The following CEP162 variants were observed in gnomAD, a reference collection of about 807,000 sequenced individuals.
The protein encoded by CEP162 is centrosomal protein 162, also known as centrosomal protein of 162 kDa.
A neutral mutation model predicts 169.2 loss-of-function variants in CEP162; 141 were observed. That is an observed-to-expected ratio of 0.83 (90% CI 0.73 to 0.96). CEP162 has a LOEUF of 0.96. CEP162 is among the 40% of genes least tolerant of loss of function. The probability of loss-of-function intolerance (pLI) is 0.00; values close to 1 mark genes in which losing one functional copy is unlikely to be tolerated. For missense variants in CEP162, 1,600 were observed against 1,587.2 expected (o/e 1.01, Z -0.14); for synonymous variants, 540 against 526.4 (o/e 1.03, Z -0.35).
Position 84,152,980 on chromosome 6 carries a change from T to A in CEP162, c.3194A>T (p.Asp1065Val). 6.2e-7 allele frequency: 1 copy of A among 1,613,668 alleles called. No homozygotes were observed. The highest frequency in any genetic ancestry group is 1.1e-5 in the South Asian group (1 of 91,062). Residue 1065 changes from aspartate to valine, a missense_variant, in exon 23 of 27, where the codon GAT becomes GTT. Transcript: ENST00000403245. ...QNAELDVKKN[D>V]KDDEDFQSIE... is the part of the protein sequence containing the mutation. ...AGACTGAAAATCTTCATCATCTTTA[T>A]CATTTTTCTTGACGTCTAATTCAGC...
At position 84,125,177 on chromosome 6, in the gene CEP162, A is replaced by C. The variant is rs948080351; in HGVS notation, c.4105T>G (p.Phe1369Val). 1.9e-6 allele frequency: 3 copies of C among 1,613,516 alleles called. No homozygotes were observed. The highest frequency in any genetic ancestry group is 1.7e-6 in the Non-Finnish European group (2 of 1,179,644). ...AATATTGAGTCTAGTTCTGTGCGGA[A>C]CTTCTCCAGCTCACGATTCTTTAAC... Reference protein sequence around the residue: ...AQLKNRELEKFRTELDSILDV... With the variant: ...AQLKNRELEKVRTELDSILDV... Residue 1369 changes from phenylalanine (F) to valine (V), a missense_variant, in exon 27 of 27, where the codon TTC becomes GTC. Phe to Val is a conservative substitution (Grantham distance 50). Transcript: ENST00000403245.
chr6:84,191,866 C>A (rs1405368969), intron 11 of CEP162, among the ~76,000 whole-genome samples: 1 of 152,202 alleles, frequency 6.6e-6, no homozygotes, highest in African/African-American at 2.4e-5. Context: ...CGACATTTCA[C>A]AGCCTCCTTG....
At chr6:84,149,727 CACACAT>C in intron 23 of CEP162, 24 bp from the exon 24 acceptor site, 1 of 1,456,222 alleles carries the variant, frequency 6.9e-7, no homozygotes, top group South Asian at 1.6e-5. Flanking sequence ...GAAAGAAAAC[CACACAT>C]AAAAGTGGCT....
chr6:84,223,545 T>C lies in CEP162; in HGVS notation c.58-2374A>G, dbSNP rs57856335. 3.5e-3 allele frequency among the ~76,000 whole-genome samples: 524 copies of C among 149,998 alleles called. 4 individuals carry two copies. The highest frequency in any genetic ancestry group is 0.012 in the African/African-American group (482 of 40,770). On this transcript the variant is annotated intron_variant, in intron 2 of 26. Coordinates refer to ENST00000403245, the MANE Select transcript of CEP162 (RefSeq NM_014895.4). ...TAAATAAATAAAAATAAAAATAAAA[T>C]AAATAGAAATAAAACAACAAAAAGG...
chr6:84,152,960 G>GAAAATCTTCATCATCTTTATCATTT lies in CEP162; in HGVS notation c.3189_3213dup (p.Gln1072LysfsTer2). 1 of 1,613,626 alleles carries GAAAATCTTCATCATCTTTATCATTT rather than the reference G, an allele frequency of 6.2e-7. No homozygotes were observed. Among genetic ancestry groups the GAAAATCTTCATCATCTTTATCATTT allele is most frequent in the South Asian group, 1.1e-5 (1 of 91,066 alleles). On this transcript the variant is annotated stop_gained and frameshift_variant, in exon 23 of 27. Coordinates refer to ENST00000403245, the MANE Select transcript of CEP162 (RefSeq NM_014895.4). LOFTEE classifies it high-confidence loss of function. ...TGTTCCACCTGGAATTCTATAGACT[G>GAAAATCTTCATCATCTTTATCATTT]AAAATCTTCATCATCTTTATCATTT...
chr6:84,147,631 AG>A (rs999568260), intron 24 of CEP162, among the ~76,000 whole-genome samples: 4 of 152,070 alleles, frequency 2.6e-5, no homozygotes, highest in African/African-American at 4.8e-5. Flanking sequence ...TATCAATAAA[AG>A]GGGGGGAAAA....
chr6:84,159,208 T>C (rs62449287), intron 21 of CEP162, among the ~76,000 whole-genome samples: 6,391 of 151,632 alleles, frequency 0.042, 196 homozygotes, highest in Admixed American at 0.086. Context: ...GAAATGTATA[T>C]GCAGCAATCC....
chr6:84,222,261 T>C (rs2099554006), intron 2 of CEP162, among the ~76,000 whole-genome samples: 2 of 152,162 alleles, frequency 1.3e-5, no homozygotes, highest in African/African-American at 2.4e-5. Flanking sequence ...GATCACATCA[T>C]GGAATTTGCT....
At chr6:84,195,739 G>A (rs1000487535) in intron 9 of CEP162, among the ~76,000 whole-genome samples, 3 of 151,838 alleles carry the variant, frequency 2.0e-5, no homozygotes, top group East Asian at 1.9e-4. Flanking sequence ...CAACTCTTGC[G>A]GTCTATAGTT....
intron 6 of CEP162, among the ~76,000 whole-genome samples, chr6:84,209,830 T>C (rs987457021): frequency 6.6e-6 from 1 of 152,160 alleles, no homozygotes; most frequent in South Asian, 2.1e-4. Context: ...AATACTAGCA[T>C]CCAGTACATG....
At chr6:84,225,580 T>G (rs767753779) in intron 2 of CEP162, among the ~76,000 whole-genome samples, 4 of 141,002 alleles carry the variant, frequency 2.8e-5, no homozygotes. Context: ...TATTAAGTAT[T>G]TATTAGGTAC....
At chr6:84,176,519 A>AG (rs1162635755) in intron 13 of CEP162, among the ~76,000 whole-genome samples, 2 of 152,178 alleles carry the variant, frequency 1.3e-5, no homozygotes, top group African/African-American at 4.8e-5. Flanking sequence ...GATTCTCCTT[A>AG]GGACAAGGCA....
intron 23 of CEP162, among the ~76,000 whole-genome samples, chr6:84,151,793 T>C (rs1202090511): frequency 1.3e-5 from 2 of 151,870 alleles, no homozygotes; most frequent in African/African-American, 2.4e-5. Context: ...TCAGGAAAAG[T>C]AGTGTGGTCA....
chr6:84,179,242 T>A (rs1015485151), intron 13 of CEP162, among the ~76,000 whole-genome samples: 4 of 152,200 alleles, frequency 2.6e-5, no homozygotes, highest in African/African-American at 9.7e-5. Context: ...CCACACTGTC[T>A]TCCACAATTG....
chr6:84,128,642 C>T (rs2099509917), intron 25 of CEP162, among the ~76,000 whole-genome samples: 1 of 151,910 alleles, frequency 6.6e-6, no homozygotes, highest in African/African-American at 2.4e-5. Context: ...TGATGAGAAT[C>T]AAATAAAATA....
At chr6:84,216,005 G>A in intron 3 of CEP162, 83 bp from the exon 4 acceptor site, 1 of 1,413,418 alleles carries the variant, frequency 7.1e-7, no homozygotes, top group Non-Finnish European at 9.2e-7. Flanking sequence ...ATAATGTTAT[G>A]CTAATTTTGT....
At chr6:84,136,613 G>C (rs1455195809) in intron 25 of CEP162, among the ~76,000 whole-genome samples, 1 of 152,136 alleles carries the variant, frequency 6.6e-6, no homozygotes, top group African/African-American at 2.4e-5. Flanking sequence ...CTGTCCCACT[G>C]GTTAGAATGT....
intron 15 of CEP162, among the ~76,000 whole-genome samples, 183 bp from the exon 16 acceptor site, chr6:84,174,371 A>C (rs902381346): frequency 2.0e-5 from 3 of 152,220 alleles, no homozygotes; most frequent in Admixed American, 6.5e-5. Flanking sequence ...CTGGGTGAGT[A>C]AAGGAACTCA....
At chr6:84,213,507 A>G (rs940282682) in intron 5 of CEP162, among the ~76,000 whole-genome samples, 4 of 152,224 alleles carry the variant, frequency 2.6e-5, no homozygotes, top group Non-Finnish European at 5.9e-5. Flanking sequence ...GGGACAAAGG[A>G]GCTTGAGTAT....
Sources: gnomAD v4.1 joint callset for allele counts (sites outside exome capture counted in the v4.1 genomes callset) on GRCh38, gnomAD v4.1.1 for gene constraint, MANE v1.5 for transcripts, NCBI Gene and HGNC (gene_info 2026-07-23, HGNC 2026-07-21) for gene names.